NXPH1: variants seen among roughly 807,000 people sequenced by gnomAD.
The protein encoded by NXPH1 is neurexophilin-1.
In NXPH1, 5 loss-of-function variants were observed where a neutral mutation model predicts 23.7. The observed-to-expected ratio is 0.21, with a 90% CI of 0.11 to 0.44. The LOEUF (loss-of-function observed/expected upper bound fraction) is 0.44. NXPH1 is among the 20% of genes least tolerant of loss of function. The pLI, the probability that NXPH1 is intolerant of heterozygous loss-of-function variation, is 0.99. For missense variants in NXPH1, 324 were observed against 321.6 expected (o/e 1.01, Z -0.06); for synonymous variants, 144 against 122.2 (o/e 1.18, Z -1.18).
chr7:8,656,790 G>A (rs903122548), intron 2 of NXPH1, among the ~76,000 whole-genome samples: 3 of 151,520 alleles, frequency 2.0e-5, no homozygotes, highest in East Asian at 3.9e-4. Context: ...GAGAATATGC[G>A]GTGTTTGGTT....
intron 2 of NXPH1, among the ~76,000 whole-genome samples, chr7:8,450,118 G>A (rs1473907489): frequency 6.6e-6 from 1 of 152,176 alleles, no homozygotes; most frequent in East Asian, 1.9e-4. Flanking sequence ...CATAACATCT[G>A]TATCTCTTCT....
At chr7:8,578,117 G>C (rs960767517) in intron 2 of NXPH1, among the ~76,000 whole-genome samples, 1 of 152,156 alleles carries the variant, frequency 6.6e-6, no homozygotes, top group African/African-American at 2.4e-5. Flanking sequence ...GGGGCGATTT[G>C]TTACACTGCA....
At chr7:8,636,228 A>G (rs1820216646) in intron 2 of NXPH1, among the ~76,000 whole-genome samples, 2 of 152,174 alleles carry the variant, frequency 1.3e-5, no homozygotes. Flanking sequence ...ATATTTGAGT[A>G]AATGTAAGTG....
At chr7:8,457,958 T>G (rs993896704) in intron 2 of NXPH1, among the ~76,000 whole-genome samples, 1 of 152,246 alleles carries the variant, frequency 6.6e-6, no homozygotes, top group South Asian at 2.1e-4. Context: ...GTTAGTCACA[T>G]GCCAGAGGCA....
intron 2 of NXPH1, among the ~76,000 whole-genome samples, chr7:8,487,022 CTA>C (rs1267529860): frequency 2.0e-5 from 3 of 152,106 alleles, no homozygotes; most frequent in Admixed American, 6.6e-5. Flanking sequence ...GAACAAGAAC[CTA>C]TGTTTTTTTC....
At chr7:8,721,674 A>C (rs1215099160) in intron 2 of NXPH1, among the ~76,000 whole-genome samples, 2 of 152,168 alleles carry the variant, frequency 1.3e-5, no homozygotes, top group African/African-American at 4.8e-5. Flanking sequence ...GCTACTCGGG[A>C]GGCTGAGGCA....
At chr7:8,491,645 C>A (rs1318539436) in intron 2 of NXPH1, among the ~76,000 whole-genome samples, 2 of 151,980 alleles carry the variant, frequency 1.3e-5, no homozygotes, top group East Asian at 3.9e-4. Flanking sequence ...AAAGGGCTAT[C>A]GTTTAGGCTG....
intron 2 of NXPH1, among the ~76,000 whole-genome samples, chr7:8,495,614 A>G (rs1295677639): frequency 6.6e-6 from 1 of 152,004 alleles, no homozygotes; most frequent in Admixed American, 6.6e-5. Context: ...AGGAAGAGGA[A>G]TGATTTAGGA....
chr7:8,639,669 C>T (rs1820275609), intron 2 of NXPH1, among the ~76,000 whole-genome samples: 1 of 152,146 alleles, frequency 6.6e-6, no homozygotes, highest in African/African-American at 2.4e-5. Flanking sequence ...TCCCAGAATT[C>T]CCACGTATTG....
At chr7:8,536,955 G>C (rs1818036755) in intron 2 of NXPH1, among the ~76,000 whole-genome samples, 2 of 151,968 alleles carry the variant, frequency 1.3e-5, no homozygotes, top group African/African-American at 2.4e-5. Flanking sequence ...GATAGTGAGA[G>C]TTTTATTATG....
intron 2 of NXPH1, among the ~76,000 whole-genome samples, chr7:8,635,887 G>A (rs1202941319): frequency 1.3e-5 from 2 of 151,996 alleles, no homozygotes; most frequent in Admixed American, 1.3e-4. Context: ...GTTTTTAAAT[G>A]TGTACTAATT....
Position 8,665,920 on chromosome 7 carries a change from T to TTG in NXPH1, c.55-85087_55-85086insGT, listed in dbSNP as rs1240938641. On this transcript the variant is annotated intron_variant, in intron 2 of 2. Transcript: ENST00000405863. ...CTAAGAGGTTTTTTTTTCTTTTTCT[T>TTG]TTTTTTTTTTTTTTGAAGGAGTCTT... Among the ~76,000 whole-genome samples, 262 of 148,246 alleles carry TTG rather than the reference T, an allele frequency of 1.8e-3. 8 individuals carry two copies. The highest frequency in any genetic ancestry group is 1.4e-3 in the East Asian group (7 of 5,128).
chr7:8,501,478 TGAACA>T (rs1817433578), intron 2 of NXPH1, among the ~76,000 whole-genome samples: 1 of 152,072 alleles, frequency 6.6e-6, no homozygotes, highest in Admixed American at 6.5e-5. Context: ...ATATGTCTTA[TGAACA>T]GAATTATGTA....
At position 8,573,287 on chromosome 7, in the gene NXPH1, A is replaced by C. The variant is rs73678057; in HGVS notation, c.54+137520A>C. Among the ~76,000 whole-genome samples the C allele has an allele frequency of 0.011, 1,633 of 152,210 alleles. 83 individuals are homozygous for C. In the East Asian group the frequency reaches 0.14, roughly 13 times the overall value. The stretch of plus-strand genomic sequence containing the variant: ...AACTTTGGGTTTTTATGTACTGATA[A>C]GGTTTTTAAGCAACTGTTTTACATT... On this transcript the variant is annotated intron_variant, in intron 2 of 2. Transcript: ENST00000405863.
intron 2 of NXPH1, among the ~76,000 whole-genome samples, chr7:8,517,585 T>C (rs972381282): frequency 9.2e-5 from 14 of 152,092 alleles, no homozygotes; most frequent in African/African-American, 3.4e-4. Context: ...AGCAGACAGA[T>C]ACACAAGGAC....
At chr7:8,540,772 G>A (rs573225356) in intron 2 of NXPH1, among the ~76,000 whole-genome samples, 17 of 151,698 alleles carry the variant, frequency 1.1e-4, no homozygotes, top group Non-Finnish European at 2.1e-4. Context: ...CTCACACAGT[G>A]CCAGCAATAG....
At chr7:8,607,746 T>C (rs564187988) in intron 2 of NXPH1, among the ~76,000 whole-genome samples, 4 of 152,326 alleles carry the variant, frequency 2.6e-5, no homozygotes, top group African/African-American at 9.6e-5. Flanking sequence ...CTGTTGTGGG[T>C]TGAAATATGT....
intron 2 of NXPH1, among the ~76,000 whole-genome samples, chr7:8,724,798 C>T (rs138599835): frequency 1.3e-5 from 2 of 152,270 alleles, no homozygotes; most frequent in Non-Finnish European, 2.9e-5. Context: ...AATCCAGAGG[C>T]CATCTTTTTG....
chr7:8,649,235 GC>G (rs968362128), intron 2 of NXPH1, among the ~76,000 whole-genome samples: 31 of 152,034 alleles, frequency 2.0e-4, no homozygotes, highest in Middle Eastern at 3.4e-3. Context: ...CATTGTGATT[GC>G]CAACATATTT....
Sources: gnomAD v4.1 joint callset for allele counts (sites outside exome capture counted in the v4.1 genomes callset) on GRCh38, gnomAD v4.1.1 for gene constraint, MANE v1.5 for transcripts, NCBI Gene and HGNC (gene_info 2026-07-23, HGNC 2026-07-21) for gene names.